NR5A2: variants seen among roughly 807,000 people sequenced by gnomAD.
The protein encoded by NR5A2 is CYP7A promoter-binding factor.
Under a neutral mutation model 62.7 loss-of-function variants are expected in NR5A2, and 26 were observed. The observed-to-expected ratio is 0.41, with a 90% CI of 0.30 to 0.58. The LOEUF (loss-of-function observed/expected upper bound fraction) is 0.58. Ranked by LOEUF, NR5A2 falls within the 20% of genes least tolerant of loss-of-function variation. NR5A2 has a pLI of 0.22. For synonymous variants in NR5A2, 246 were observed against 241.7 expected, an observed-to-expected ratio of 1.02 and a Z score of -0.16; for missense variants, 541 against 669.1, an observed-to-expected ratio of 0.81 and a Z score of 2.11.
intron 1 of NR5A2, among the ~76,000 whole-genome samples, chr1:200,035,690 C>T (rs1661744745): frequency 6.6e-6 from 1 of 152,174 alleles, no homozygotes; most frequent in Non-Finnish European, 1.5e-5. Flanking sequence ...TTCTCCGGCT[C>T]ATCAAGGCTG....
chr1:200,138,934 C>A (rs1157425964), intron 7 of NR5A2, among the ~76,000 whole-genome samples: 1 of 152,122 alleles, frequency 6.6e-6, no homozygotes, highest in Non-Finnish European at 1.5e-5. Flanking sequence ...TGCTGTTGTT[C>A]CACAAAGAAC....
intron 7 of NR5A2, among the ~76,000 whole-genome samples, chr1:200,157,299 T>C (rs1346159700): frequency 6.6e-6 from 1 of 152,048 alleles, no homozygotes; most frequent in African/African-American, 2.4e-5. Flanking sequence ...TAATCAGGAG[T>C]TGACTATAAT....
Position 200,039,606 on chromosome 1 carries a change from G to A in NR5A2, c.65-52G>A, listed in dbSNP as rs1374442109. ...GAGGGTTGGGTTAGCAGGCATCCCGGTCGCCCCTTCCTTCTTTTCGCCGGA... is the reference window on the plus strand; with the variant it reads ...GAGGGTTGGGTTAGCAGGCATCCCGATCGCCCCTTCCTTCTTTTCGCCGGA... On this transcript the variant is annotated intron_variant, in intron 1 of 7. Transcript: ENST00000367362. This position sits in a 1 kb window ranked among gnomAD's most constrained non-coding sequence, Gnocchi z 5.1. The A allele has an allele frequency of 6.2e-7, 1 of 1,606,612 alleles. No homozygotes were observed. Among genetic ancestry groups the A allele is most frequent in the East Asian group, 2.3e-5 (1 of 43,880 alleles).
intron 5 of NR5A2, among the ~76,000 whole-genome samples, chr1:200,053,666 C>A (rs1662773408): frequency 6.6e-6 from 1 of 151,660 alleles, no homozygotes; most frequent in African/African-American, 2.4e-5. Flanking sequence ...GAAGCTAAAG[C>A]AAATCTCTAG....
chr1:200,070,947 C>T (rs796271360), intron 5 of NR5A2, among the ~76,000 whole-genome samples: 3 of 152,214 alleles, frequency 2.0e-5, no homozygotes, highest in African/African-American at 7.2e-5. Flanking sequence ...ATACTAGAAA[C>T]GTGTTGGCAA....
Position 200,109,092 on chromosome 1 carries a change from C to A in NR5A2, c.1111-2110C>A, listed in dbSNP as rs76336824. ...ATCATTTTCAAAAAGGCAGTGACTG[C>A]GTTTATCTTGTCCACCCTTATATGC... On this transcript the variant is annotated intron_variant, in intron 5 of 7. Transcript: ENST00000367362. 2.6e-5 allele frequency among the ~76,000 whole-genome samples: 4 copies of A among 152,290 alleles called. No homozygotes were observed. In the East Asian group the frequency reaches 5.8e-4, roughly 22 times the overall value.
At position 200,088,185 on chromosome 1, in the gene NR5A2, G is replaced by A. The variant is rs890983811; in HGVS notation, c.1111-23017G>A. Reference sequence around the variant, plus strand: ...TTCCCAAAGTGTTGGCATTAGAGGCGTGAGCCATGGTGCCCAGCCCCTTGT... The same window carrying A: ...TTCCCAAAGTGTTGGCATTAGAGGCATGAGCCATGGTGCCCAGCCCCTTGT... On this transcript the variant is annotated intron_variant, in intron 5 of 7. Transcript: ENST00000367362. 4.6e-5 allele frequency among the ~76,000 whole-genome samples: 7 copies of A among 151,298 alleles called. 1 individual carries two copies. In the South Asian group the frequency reaches 1.2e-3, roughly 27 times the overall value.
At chr1:200,065,238 G>T (rs976580202) in intron 5 of NR5A2, among the ~76,000 whole-genome samples, 3 of 152,052 alleles carry the variant, frequency 2.0e-5, no homozygotes, top group Non-Finnish European at 4.4e-5. Context: ...CCTCTGCCTG[G>T]GTTCAAGTGA....
intron 5 of NR5A2, among the ~76,000 whole-genome samples, chr1:200,049,984 T>C (rs1252821680): frequency 6.6e-6 from 1 of 152,256 alleles, no homozygotes; most frequent in Non-Finnish European, 1.5e-5. Flanking sequence ...CCTAAATAAG[T>C]TGATAAAATT....
At chr1:200,029,333 A>C (rs1409924205) in intron 1 of NR5A2, 1 of 169,356 alleles carries the variant, frequency 5.9e-6, no homozygotes, top group Non-Finnish European at 1.2e-5. Context: ...TCGGGAGACC[A>C]CGCACGCCGA....
chr1:200,120,922 G>T lies in NR5A2; in HGVS notation c.1345G>T (p.Val449Leu). The change falls in exon 7 of 8, where the codon GTA becomes TTA. Residue 449 changes from valine (V) to leucine (L), a missense_variant. By Grantham distance (32) the Val-to-Leu change is conservative. This residue lies in a region of NR5A2 where 379 missense variants were observed against 442.0 expected (regional missense o/e 0.86). Coordinates refer to ENST00000367362, the MANE Select transcript of NR5A2 (RefSeq NM_205860.3). ...TCTCCAGTTTGATCAACGAGAGTTC[G>T]TATGTCTGAAATTCTTGGTGCTCTT... ...RSLQFDQREFVCLKFLVLFSL... is the reference protein window; with the variant it reads ...RSLQFDQREFLCLKFLVLFSL... 2 of 1,613,924 alleles carry T rather than the reference G, an allele frequency of 1.2e-6. No homozygotes were observed. The highest frequency in any genetic ancestry group is 1.7e-6 in the Non-Finnish European group (2 of 1,179,920).
chr1:200,052,788 C>T (rs566535710), intron 5 of NR5A2, among the ~76,000 whole-genome samples: 1 of 151,232 alleles, frequency 6.6e-6, no homozygotes, highest in East Asian at 1.9e-4. Flanking sequence ...ACTACAGGTG[C>T]CTGCCACCAC....
chr1:200,040,762 G>A (rs1662028551), intron 2 of NR5A2, among the ~76,000 whole-genome samples: 2 of 152,260 alleles, frequency 1.3e-5, no homozygotes, highest in South Asian at 2.1e-4. Context: ...GTTGAGAGCA[G>A]AGTTCAGGGC....
intron 1 of NR5A2, among the ~76,000 whole-genome samples, chr1:200,030,224 C>T (rs1420799451): frequency 6.6e-6 from 1 of 152,114 alleles, no homozygotes. Flanking sequence ...ATGTAGACAT[C>T]AGTCAGGGTT....
rs868753440 is a variant in NR5A2 at position 200,174,318 on chromosome 1, G to A, written c.*108G>A. 1.9e-5 allele frequency: 22 copies of A among 1,138,484 alleles called. No individual in the cohort carries two copies. Among genetic ancestry groups the A allele is most frequent in the South Asian group, 2.8e-5 (1 of 35,232 alleles). 70.5% of individuals were successfully genotyped at this position (1,138,484 alleles called of 1,614,324 possible). A position where few individuals can be genotyped will look rare whatever the true frequency, so the allele number is the denominator to read the frequency against. ...AGTACTCTGAACTGCTCCAAGTAAC[G>A]CTAATTAAAAACTTGCTTTAAAGAT... On this transcript the variant is annotated 3_prime_UTR_variant, in exon 8 of 8. Transcript: ENST00000367362.
intron 7 of NR5A2, 29 bp downstream of exon 7, chr1:200,120,984 C>G (rs1423588383): frequency 6.2e-7 from 1 of 1,612,300 alleles, no homozygotes; most frequent in Admixed American, 1.7e-5. Context: ...ATGCTGTGCT[C>G]AACCAACGAT....
Position 200,043,853 on chromosome 1 carries a change from T to C in NR5A2, c.282T>C (p.Ser94=), listed in dbSNP as rs771602498. 1.2e-6 allele frequency: 2 copies of C among 1,613,822 alleles called. No individual in the cohort carries two copies. The highest frequency in any genetic ancestry group is 1.7e-6 in the Non-Finnish European group (2 of 1,179,778). The change falls in exon 3 of 8, where the codon TCT becomes TCC. Residue 94 remains serine, a synonymous_variant. Transcript: ENST00000367362. ...ELCPVCGDKV[S]GYHYGLLTCE... ...GTCCCGTGTGTGGAGATAAAGTGTC[T>C]GGGTACCATTATGGGCTCCTCACCT...
intron 5 of NR5A2, among the ~76,000 whole-genome samples, chr1:200,105,129 TTTTA>T (rs1245745436): frequency 6.6e-6 from 1 of 152,170 alleles, no homozygotes; most frequent in Admixed American, 6.6e-5. Context: ...TGGCTTTTTA[TTTTA>T]TTTTTTTGTA....
chr1:200,103,749 C>A (rs773493720), intron 5 of NR5A2, among the ~76,000 whole-genome samples: 1 of 152,120 alleles, frequency 6.6e-6, no homozygotes, highest in Non-Finnish European at 1.5e-5. Flanking sequence ...AGGAGGCATA[C>A]GGATAATCTA....
Sources: allele counts gnomAD v4.1 joint callset (sites outside exome capture counted in the v4.1 genomes callset), GRCh38; gene constraint gnomAD v4.1.1; regional missense constraint gnomAD v4.1.1; non-coding constraint Gnocchi (gnomAD v3.1); transcripts MANE v1.5; gene names NCBI Gene and HGNC (gene_info 2026-07-23, HGNC 2026-07-21).